Variants in CACNA2D3 observed in about 807,000 individuals in gnomAD.
CACNA2D3 encodes the protein calcium voltage-gated channel auxiliary subunit alpha2delta 3, also known as voltage-dependent calcium channel subunit alpha-2/delta-3.
CACNA2D3 carries 60 observed loss-of-function variants against 160.6 expected under a neutral mutation model. That is an observed-to-expected ratio of 0.37 (90% CI 0.30 to 0.46). CACNA2D3 has a LOEUF of 0.46. Ranked by LOEUF, CACNA2D3 falls within the 20% of genes least tolerant of loss-of-function variation. The probability of loss-of-function intolerance (pLI) is 1.00; values close to 1 mark genes in which losing one functional copy is unlikely to be tolerated. For missense variants in CACNA2D3, 1,205 were observed against 1,365.0 expected (o/e 0.88, Z 1.85); for synonymous variants, 558 against 492.9 (o/e 1.13, Z -1.75).
At chr3:54,365,558 C>A (rs368568484) in intron 3 of CACNA2D3, among the ~76,000 whole-genome samples, 1 of 152,064 alleles carries the variant, frequency 6.6e-6, no homozygotes, top group Admixed American at 6.6e-5. Context: ...CTGAAGAAAC[C>A]CAGGTGGATA....
Position 54,432,280 on chromosome 3 carries a change from T to C in CACNA2D3, c.381+45506T>C, listed in dbSNP as rs184073002. ...TCTAATTTTTATATTATTTTTATTA[T>C]CAGAAAATAAACTCTTTTCTGTCTG... On this transcript the variant is annotated intron_variant, in intron 4 of 37. Coordinates refer to ENST00000474759, the MANE Select transcript of CACNA2D3 (RefSeq NM_018398.3). 3.7e-3 allele frequency among the ~76,000 whole-genome samples: 556 copies of C among 152,320 alleles called. 6 individuals are homozygous for C. The highest frequency in any genetic ancestry group is 3.5e-3 in the Non-Finnish European group (241 of 68,036).
chr3:54,741,601 T>A (rs201908394), intron 11 of CACNA2D3, among the ~76,000 whole-genome samples: 13 of 148,116 alleles, frequency 8.8e-5, no homozygotes, highest in African/African-American at 2.7e-4. Flanking sequence ...ATAAGAAAAA[T>A]AAAAAAAAAA....
At chr3:54,823,544 T>A (rs1256846326) in intron 14 of CACNA2D3, among the ~76,000 whole-genome samples, 1 of 152,192 alleles carries the variant, frequency 6.6e-6, no homozygotes, top group African/African-American at 2.4e-5. Context: ...CTTGCAATTT[T>A]ATTTATAATG....
At chr3:54,794,441 G>A (rs1251052321) in intron 13 of CACNA2D3, among the ~76,000 whole-genome samples, 1 of 152,074 alleles carries the variant, frequency 6.6e-6, no homozygotes, top group Non-Finnish European at 1.5e-5. Context: ...TTAATAAAGT[G>A]AGGAAGAAAT....
At position 55,036,687 on chromosome 3, in the gene CACNA2D3, C is replaced by T. The variant is rs972542678; in HGVS notation, c.2987+18370C>T. 2.6e-5 allele frequency among the ~76,000 whole-genome samples: 4 copies of T among 151,520 alleles called. No individual in the cohort carries two copies. In the Middle Eastern group the frequency reaches 0.014, roughly 526 times the overall value. On this transcript the variant is annotated intron_variant, in intron 35 of 37. Transcript: ENST00000474759. ...TTCACCATATTGGCCAGGCTGGTCT[C>T]GAACTCCTGACTTTGTGATCCACCC...
At chr3:55,055,818 C>T (rs927895636) in intron 35 of CACNA2D3, among the ~76,000 whole-genome samples, 1 of 151,936 alleles carries the variant, frequency 6.6e-6, no homozygotes, top group Non-Finnish European at 1.5e-5. Context: ...TGGGATTGTC[C>T]TCCTCATTTC....
chr3:54,205,463 T>C (rs56944353), intron 2 of CACNA2D3, among the ~76,000 whole-genome samples: 3,434 of 152,278 alleles, frequency 0.023, 201 homozygotes, highest in East Asian at 0.17. Context: ...AATATAACTA[T>C]GGCCTACTCC....
intron 9 of CACNA2D3, among the ~76,000 whole-genome samples, chr3:54,624,819 C>A (rs1699060939): frequency 6.6e-6 from 1 of 152,148 alleles, no homozygotes; most frequent in African/African-American, 2.4e-5. Flanking sequence ...GCTCCGTGTC[C>A]CTAGGTGGGT....
chr3:54,307,118 T>C (rs4072629), intron 2 of CACNA2D3, among the ~76,000 whole-genome samples: 1,935 of 152,254 alleles, frequency 0.013, 32 homozygotes, highest in Admixed American at 0.05. Context: ...GCATTTGAGT[T>C]AGTGGTGTCT....
At chr3:54,459,102 A>G (rs1700452277) in intron 4 of CACNA2D3, among the ~76,000 whole-genome samples, 1 of 152,040 alleles carries the variant, frequency 6.6e-6, no homozygotes, top group Admixed American at 6.6e-5. Flanking sequence ...GGACATGAAC[A>G]CATCATTTTT....
chr3:54,259,253 G>A (rs139824562), intron 2 of CACNA2D3, among the ~76,000 whole-genome samples: 4 of 152,344 alleles, frequency 2.6e-5, no homozygotes, highest in African/African-American at 9.6e-5. Context: ...CTGATAGGAT[G>A]AGAGCCTGGC....
At chr3:55,004,046 G>A (rs1301888243) in intron 31 of CACNA2D3, among the ~76,000 whole-genome samples, 1 of 152,124 alleles carries the variant, frequency 6.6e-6, no homozygotes, top group Non-Finnish European at 1.5e-5. Context: ...TGTTGATGGG[G>A]GAATTAAAAT....
intron 2 of CACNA2D3, among the ~76,000 whole-genome samples, chr3:54,204,991 C>G (rs1701249526): frequency 2.0e-5 from 3 of 151,712 alleles, no homozygotes; most frequent in African/African-American, 7.3e-5. Context: ...AAAGTGATTG[C>G]CATTATAAAA....
chr3:54,689,006 A>G (rs113395965), intron 11 of CACNA2D3, among the ~76,000 whole-genome samples: 22,296 of 109,132 alleles, frequency 0.2, 4,421 homozygotes, highest in Non-Finnish European at 0.25. Flanking sequence ...AAAAAAAAAA[A>G]AAAAAGAATG....
At chr3:54,455,359 A>G (rs565026583) in intron 4 of CACNA2D3, among the ~76,000 whole-genome samples, 10 of 152,254 alleles carry the variant, frequency 6.6e-5, no homozygotes, top group African/African-American at 2.2e-4. Flanking sequence ...ATTTTTTAAC[A>G]TATTTGGACA....
chr3:54,464,756 G>T (rs1488329644), intron 4 of CACNA2D3, among the ~76,000 whole-genome samples: 1 of 152,226 alleles, frequency 6.6e-6, no homozygotes, highest in African/African-American at 2.4e-5. Flanking sequence ...CCGTGCTTCG[G>T]CTAGCGCACG....
chr3:54,575,526 C>T (rs1163410030), intron 8 of CACNA2D3, among the ~76,000 whole-genome samples: 1 of 152,114 alleles, frequency 6.6e-6, no homozygotes, highest in Non-Finnish European at 1.5e-5. Context: ...GTACTGAGTG[C>T]TCTGCATTAA....
At chr3:54,640,148 G>C (rs966271640) in intron 10 of CACNA2D3, among the ~76,000 whole-genome samples, 1 of 152,210 alleles carries the variant, frequency 6.6e-6, no homozygotes, top group Non-Finnish European at 1.5e-5. Context: ...CCATCTGGGC[G>C]TGTACGTGCA....
chr3:54,867,730 G>C (rs1649217598), intron 17 of CACNA2D3, among the ~76,000 whole-genome samples: 1 of 152,130 alleles, frequency 6.6e-6, no homozygotes. Context: ...GGCAGAGATG[G>C]CCATGAGCTA....
Sources: gnomAD v4.1 joint callset for allele counts (sites outside exome capture counted in the v4.1 genomes callset) on GRCh38, gnomAD v4.1.1 for gene constraint, MANE v1.5 for transcripts, NCBI Gene and HGNC (gene_info 2026-07-23, HGNC 2026-07-21) for gene names.